Variants in SORCS1 observed in about 807,000 individuals in gnomAD.
The protein encoded by SORCS1 is sortilin related VPS10 domain containing receptor 1.
Under a neutral mutation model 146.1 loss-of-function variants are expected in SORCS1, and 60 were observed. The observed-to-expected ratio is 0.41, with a 90% confidence interval of 0.33 to 0.51. SORCS1 has a LOEUF of 0.51. Ranked by LOEUF, SORCS1 falls within the 20% of genes least tolerant of loss-of-function variation. The pLI is 0.21. For missense variants in SORCS1, 1,352 were observed against 1,487.6 expected, an observed-to-expected ratio of 0.91 and a Z score of 1.50; for synonymous variants, 637 against 584.0, an observed-to-expected ratio of 1.09 and a Z score of -1.31.
intron 18 of SORCS1, 141 bp downstream of exon 18, chr10:106,652,241 C>T (rs1464877354): frequency 2.5e-6 from 2 of 785,134 alleles, no homozygotes; most frequent in Admixed American, 6.7e-5. Context: ...AAAAGAAAAA[C>T]AAGGAACTAA....
At chr10:106,944,378 G>T (rs1410201153) in intron 2 of SORCS1, among the ~76,000 whole-genome samples, 1 of 152,102 alleles carries the variant, frequency 6.6e-6, no homozygotes, top group Non-Finnish European at 1.5e-5. Context: ...TGAAATATGG[G>T]ATGTACTCAC....
chr10:107,179,904 CTTTTTTTTTTTTTTT>C, the SORCS1 span, among the ~76,000 whole-genome samples: 365 of 51,296 alleles, frequency 7.1e-3, no homozygotes, highest in Non-Finnish European at 9.9e-3. Flanking sequence ...ACAAAACAGA[CTTTTTTTTTTTTTTT>C]TTTTTTTTTT....
At chr10:107,009,289 G>A (rs1027881304) in intron 1 of SORCS1, among the ~76,000 whole-genome samples, 2 of 152,200 alleles carry the variant, frequency 1.3e-5, no homozygotes, top group African/African-American at 2.4e-5. Context: ...GTTTTTGTGT[G>A]TTGCATGGAG....
intron 1 of SORCS1, among the ~76,000 whole-genome samples, chr10:107,037,633 A>G (rs1958961317): frequency 6.6e-6 from 1 of 152,218 alleles, no homozygotes; most frequent in South Asian, 2.1e-4. Flanking sequence ...ACTGAACATT[A>G]TATTGTTTTT....
intron 1 of SORCS1, among the ~76,000 whole-genome samples, chr10:107,121,735 G>C (rs553346637): frequency 5.9e-4 from 90 of 152,172 alleles, no homozygotes; most frequent in Non-Finnish European, 9.7e-4. Context: ...GTTATGATAA[G>C]GGACAAAAAC....
At chr10:107,177,942 C>T in the SORCS1 span, among the ~76,000 whole-genome samples, 121 of 152,048 alleles carry the variant, frequency 8.0e-4, 1 homozygote, top group South Asian at 5.4e-3. Flanking sequence ...TAAGTGGGAG[C>T]TGAATGATGA....
chr10:107,012,214 T>C (rs1957724264), intron 1 of SORCS1, among the ~76,000 whole-genome samples: 1 of 152,198 alleles, frequency 6.6e-6, no homozygotes, highest in South Asian at 2.1e-4. Context: ...CCTCAAGGAA[T>C]AGCCTTGGGT....
chr10:106,798,404 C>T (rs1413421087), intron 3 of SORCS1, among the ~76,000 whole-genome samples: 1 of 152,142 alleles, frequency 6.6e-6, no homozygotes, highest in East Asian at 1.9e-4. Context: ...TTGTCATTTA[C>T]ATTAGGTATA....
At chr10:106,912,472 G>A (rs1952214159) in intron 2 of SORCS1, among the ~76,000 whole-genome samples, 1 of 152,042 alleles carries the variant, frequency 6.6e-6, no homozygotes, top group South Asian at 2.1e-4. Flanking sequence ...GTTTGCCAGG[G>A]AATTTGCATT....
intron 1 of SORCS1, among the ~76,000 whole-genome samples, chr10:107,127,774 T>C (rs1305078540): frequency 2.0e-5 from 3 of 152,222 alleles, no homozygotes; most frequent in Non-Finnish European, 4.4e-5. Context: ...ACCTGGTAGG[T>C]AGGGCCCACC....
chr10:106,841,466 T>A (rs908904380), intron 2 of SORCS1, among the ~76,000 whole-genome samples: 1 of 139,396 alleles, frequency 7.2e-6, no homozygotes, highest in African/African-American at 2.8e-5. Flanking sequence ...TGAGACTCCA[T>A]TTCAATAAAA....
intron 7 of SORCS1, among the ~76,000 whole-genome samples, chr10:106,708,286 G>A (rs1051381665): frequency 2.6e-5 from 4 of 152,052 alleles, no homozygotes; most frequent in African/African-American, 9.7e-5. Flanking sequence ...GTGATCATAT[G>A]TGAAACATTT....
chr10:106,901,070 T>G (rs17121741), intron 2 of SORCS1, among the ~76,000 whole-genome samples: 1,661 of 152,242 alleles, frequency 0.011, 22 homozygotes, highest in African/African-American at 0.033. Context: ...AAGGCAGCCC[T>G]CTGGAGAAGG....
chr10:107,163,402 ATCCACT>A (rs879837083), intron 1 of SORCS1, among the ~76,000 whole-genome samples: 94 of 152,336 alleles, frequency 6.2e-4, no homozygotes, highest in African/African-American at 2.2e-3. Context: ...TGAAACTTGC[ATCCACT>A]TGGTCCCTAA....
intron 1 of SORCS1, among the ~76,000 whole-genome samples, chr10:107,121,001 G>A (rs568218059): frequency 1.3e-5 from 2 of 152,264 alleles, no homozygotes; most frequent in South Asian, 2.1e-4. Flanking sequence ...AGAGAAAAGC[G>A]ACCAGCACTT....
intron 2 of SORCS1, among the ~76,000 whole-genome samples, chr10:106,921,836 C>G (rs922025385): frequency 6.6e-6 from 1 of 152,176 alleles, no homozygotes; most frequent in African/African-American, 2.4e-5. Context: ...TCAATCTGAA[C>G]AATGCTTATT....
intron 1 of SORCS1, among the ~76,000 whole-genome samples, chr10:107,045,781 C>CTTTTTTTTTTTTTTTTTTT (rs1313801610): frequency 7.7e-6 from 1 of 130,160 alleles, no homozygotes; most frequent in African/African-American, 2.8e-5. Context: ...TATATATCTT[C>CTTTTTTTTTTTTTTTTTTT]TTTTTTTTTT....
chr10:106,811,090 C>A (rs1019078758), intron 3 of SORCS1, among the ~76,000 whole-genome samples: 3 of 152,040 alleles, frequency 2.0e-5, no homozygotes, highest in African/African-American at 7.2e-5. Flanking sequence ...CAGGCGCCTA[C>A]CACCACATCC....
chr10:107,063,410 A>G (rs1434086119), intron 1 of SORCS1, among the ~76,000 whole-genome samples: 1 of 152,218 alleles, frequency 6.6e-6, no homozygotes, highest in Non-Finnish European at 1.5e-5. Context: ...TGGAAAGCTG[A>G]CAAAGTTCTG....
Sources: gnomAD v4.1 joint callset for allele counts (sites outside exome capture counted in the v4.1 genomes callset) on GRCh38, gnomAD v4.1.1 for gene constraint, MANE v1.5 for transcripts, NCBI Gene and HGNC (gene_info 2026-07-23, HGNC 2026-07-21) for gene names.